DMRT1: variants seen among roughly 807,000 people sequenced by gnomAD.
The protein encoded by DMRT1 is doublesex- and mab-3-related transcription factor 1.
DMRT1 carries 7 observed loss-of-function variants against 32.3 expected under a neutral mutation model. That is an observed-to-expected ratio of 0.22 (90% CI 0.12 to 0.41). The LOEUF is 0.41. Ranked by LOEUF, DMRT1 falls within the 10% of genes least tolerant of loss-of-function variation. The pLI is 1.00. For synonymous variants in DMRT1, 278 were observed against 206.1 expected (o/e 1.35, Z -2.99); for missense variants, 625 against 500.5 (o/e 1.25, Z -2.37).
At chr9:848,845 ATG>A in intron 2 of DMRT1, among the ~76,000 whole-genome samples, 1 of 142,130 alleles carries the variant, frequency 7.0e-6, no homozygotes, top group Admixed American at 7.3e-5. Flanking sequence ...GTGAGCTGCC[ATG>A]CCAGGCCAAA....
At chr9:877,353 A>G (rs868145418) in intron 2 of DMRT1, among the ~76,000 whole-genome samples, 26 of 152,316 alleles carry the variant, frequency 1.7e-4, no homozygotes, top group African/African-American at 6.0e-4. Flanking sequence ...GGGTGCAGTA[A>G]GGGTTCTGAA....
chr9:891,496 G>A (rs932778452), intron 2 of DMRT1, among the ~76,000 whole-genome samples: 1 of 149,096 alleles, frequency 6.7e-6, no homozygotes, highest in Non-Finnish European at 1.5e-5. Context: ...AAGATCTTAT[G>A]ACTCCCTGGA....
chr9:931,311 A>T (rs1461366048), intron 4 of DMRT1, among the ~76,000 whole-genome samples: 1 of 152,262 alleles, frequency 6.6e-6, no homozygotes, highest in African/African-American at 2.4e-5. Context: ...TACCAAAGTG[A>T]AATATCTATT....
intron 2 of DMRT1, among the ~76,000 whole-genome samples, chr9:887,012 C>G (rs554492087): frequency 1.6e-4 from 25 of 152,310 alleles, no homozygotes; most frequent in African/African-American, 5.8e-4. Context: ...TTCCTGGTCT[C>G]TGGATGACAG....
intron 2 of DMRT1, among the ~76,000 whole-genome samples, chr9:872,273 G>C (rs1033147835): frequency 6.6e-6 from 1 of 152,074 alleles, no homozygotes; most frequent in Non-Finnish European, 1.5e-5. Context: ...ATGTTGGCCA[G>C]GCTGGTCTCG....
intron 3 of DMRT1, among the ~76,000 whole-genome samples, chr9:895,941 A>G (rs1034651521): frequency 6.6e-6 from 1 of 150,718 alleles, no homozygotes; most frequent in East Asian, 2.0e-4. Context: ...AGTAGCTGGG[A>G]CTACAGGCAC....
intron 4 of DMRT1, among the ~76,000 whole-genome samples, chr9:933,406 TTC>T (rs753139838): frequency 1.5e-4 from 23 of 152,220 alleles, no homozygotes; most frequent in Non-Finnish European, 2.8e-4. Flanking sequence ...CCAAGTATGT[TTC>T]TGCGATACCA....
chr9:896,539 G>A (rs778852600), intron 3 of DMRT1, among the ~76,000 whole-genome samples: 7 of 152,166 alleles, frequency 4.6e-5, no homozygotes, highest in South Asian at 2.1e-4. Flanking sequence ...TTTAGGCCAG[G>A]TGCGGTGGCT....
At chr9:851,045 A>AAAAAT (rs375863067) in intron 2 of DMRT1, among the ~76,000 whole-genome samples, 1 of 14,160 alleles carries the variant, frequency 7.1e-5, no homozygotes, top group Non-Finnish European at 3.1e-4. Context: ...AAAAAAAAAA[A>AAAAAT]GAAAGAAAAA....
intron 2 of DMRT1, among the ~76,000 whole-genome samples, chr9:875,606 A>G (rs540016072): frequency 1.3e-5 from 2 of 152,304 alleles, no homozygotes; most frequent in East Asian, 1.9e-4. Context: ...TGGTGTGACT[A>G]TAGTTGTGGG....
chr9:914,065 T>C (rs939496296), intron 3 of DMRT1, among the ~76,000 whole-genome samples: 3 of 152,168 alleles, frequency 2.0e-5, no homozygotes, highest in African/African-American at 7.2e-5. Flanking sequence ...CATATGCGCA[T>C]TGAGAGCTGC....
chr9:907,827 A>ATGTG (rs1258573965), intron 3 of DMRT1, among the ~76,000 whole-genome samples: 4 of 58,132 alleles, frequency 6.9e-5, no homozygotes, highest in Non-Finnish European at 1.1e-4. Context: ...TCTAAAATAT[A>ATGTG]TATGTGTGTG....
intron 4 of DMRT1, among the ~76,000 whole-genome samples, chr9:954,261 G>T (rs968222335): frequency 6.6e-6 from 1 of 152,138 alleles, no homozygotes; most frequent in African/African-American, 2.4e-5. Flanking sequence ...TGTCAGAGAC[G>T]TGCTTTTGGA....
chr9:851,849 G>T (rs759421474), intron 2 of DMRT1, among the ~76,000 whole-genome samples: 7 of 152,034 alleles, frequency 4.6e-5, no homozygotes, highest in Non-Finnish European at 1.0e-4. Flanking sequence ...CATGATTTTG[G>T]ATATTACTGT....
intron 2 of DMRT1, among the ~76,000 whole-genome samples, chr9:850,446 T>A (rs1489696647): frequency 1.3e-5 from 2 of 152,142 alleles, no homozygotes; most frequent in African/African-American, 4.8e-5. Flanking sequence ...AGAGGTTGGA[T>A]TTACTTAAAA....
chr9:964,374 T>C (rs995424552), intron 4 of DMRT1, among the ~76,000 whole-genome samples: 2 of 152,158 alleles, frequency 1.3e-5, no homozygotes, highest in African/African-American at 4.8e-5. Flanking sequence ...TCCCAGTAGC[T>C]TCGGTAGACA....
At chr9:956,209 A>G (rs1819594773) in intron 4 of DMRT1, among the ~76,000 whole-genome samples, 1 of 152,250 alleles carries the variant, frequency 6.6e-6, no homozygotes, top group South Asian at 2.1e-4. Context: ...TATATGAGGT[A>G]CCTACAGTAG....
At chr9:949,398 A>AGG (rs1819357774) in intron 4 of DMRT1, among the ~76,000 whole-genome samples, 1 of 151,778 alleles carries the variant, frequency 6.6e-6, no homozygotes, top group Non-Finnish European at 1.5e-5. Context: ...CCCACAAAAA[A>AGG]CTTTTCTGAA....
chr9:959,372 A>T (rs1292290394), intron 4 of DMRT1, among the ~76,000 whole-genome samples: 1 of 152,206 alleles, frequency 6.6e-6, no homozygotes, highest in Non-Finnish European at 1.5e-5. Flanking sequence ...TCCTGGTGCC[A>T]CCACTTGTCA....
Sources: allele counts gnomAD v4.1 joint callset (sites outside exome capture counted in the v4.1 genomes callset), GRCh38; gene constraint gnomAD v4.1.1; transcripts MANE v1.5; gene names NCBI Gene and HGNC (gene_info 2026-07-23, HGNC 2026-07-21).